The following MAP3K9 variants were observed in gnomAD, a reference collection of about 807,000 sequenced individuals.
MAP3K9 encodes mitogen-activated protein kinase kinase kinase 9, also known as mixed lineage kinase 1 (tyr and ser/thr specificity).
Under a neutral mutation model 95.8 loss-of-function variants are expected in MAP3K9, and 46 were observed. That is an observed-to-expected ratio of 0.48 (90% CI 0.38 to 0.61). The LOEUF is 0.61. MAP3K9 is among the 20% of genes least tolerant of loss of function. The pLI, the probability that MAP3K9 is intolerant of heterozygous loss-of-function variation, is 0.00. For missense variants in MAP3K9, 1,296 were observed against 1,474.3 expected, an observed-to-expected ratio of 0.88 and a Z score of 1.98; for synonymous variants, 533 against 593.8, an observed-to-expected ratio of 0.90 and a Z score of 1.49.
intron 2 of MAP3K9, among the ~76,000 whole-genome samples, chr14:70,797,249 A>G (rs1327946349): frequency 6.6e-6 from 1 of 152,054 alleles, no homozygotes; most frequent in Admixed American, 6.6e-5. Context: ...CCAAAATCCA[A>G]TTCTCTGGAA....
At chr14:70,799,762 A>G (rs2054908396) in intron 2 of MAP3K9, among the ~76,000 whole-genome samples, 1 of 152,240 alleles carries the variant, frequency 6.6e-6, no homozygotes, top group African/African-American at 2.4e-5. Context: ...TGAAGGATGC[A>G]AAGAGAGTGA....
In MAP3K9 at chr14:70,764,117, C is replaced by T. The variant is rs967275235; in HGVS notation, c.821-2935G>A. ...AGGAGAATGGCGTGAACCCGGGAAG[C>T]GGAGCTTGCAGTGAGCCGAGATTGC... On this transcript the variant is annotated intron_variant, in intron 2 of 11. Transcript: ENST00000554752. 1.9e-3 allele frequency among the ~76,000 whole-genome samples: 245 copies of T among 128,162 alleles called. 6 individuals carry two copies. Among genetic ancestry groups the T allele is most frequent in the Non-Finnish European group, 1.0e-3 (64 of 62,986 alleles). 84.1% of individuals were successfully genotyped at this position (128,162 alleles called of 152,430 possible). A position where few individuals can be genotyped will look rare whatever the true frequency, so the allele number is the denominator to read the frequency against.
chr14:70,772,172 C>T (rs76440876), intron 2 of MAP3K9, among the ~76,000 whole-genome samples: 448 of 152,302 alleles, frequency 2.9e-3, no homozygotes, highest in Middle Eastern at 0.01. Context: ...CAGCAGCTTC[C>T]GCATTGTCAG....
chr14:70,765,805 G>T (rs1049051652), intron 2 of MAP3K9, among the ~76,000 whole-genome samples: 6 of 150,670 alleles, frequency 4.0e-5, no homozygotes, highest in Non-Finnish European at 4.4e-5. Context: ...GCCATAGCGG[G>T]ACAAGCTTGG....
At chr14:70,774,987 A>C (rs1365217471) in intron 2 of MAP3K9, among the ~76,000 whole-genome samples, 1 of 10,970 alleles carries the variant, frequency 9.1e-5, no homozygotes, top group Non-Finnish European at 2.0e-4. Flanking sequence ...TGTCCCCAAA[A>C]AAAAAAAAAA....
Position 70,749,919 on chromosome 14 carries a change from C to T in MAP3K9, c.1150+14G>A, listed in dbSNP as rs867293250. On this transcript the variant is annotated intron_variant, in intron 4 of 11. Coordinates refer to ENST00000554752, the MANE Select transcript of MAP3K9 (RefSeq NM_001284230.2). ...AAAGTGTCTCCAGTTTGGTTCAGGC[C>T]AGGGCTTACTTACCTTCCATGAGTT... 1 of 1,614,010 alleles carries T rather than the reference C, an allele frequency of 6.2e-7. No homozygotes were observed. The highest frequency in any genetic ancestry group is 8.5e-7 in the Non-Finnish European group (1 of 1,180,014).
chr14:70,745,432 A>G (rs897767320), intron 5 of MAP3K9, among the ~76,000 whole-genome samples: 4 of 152,150 alleles, frequency 2.6e-5, no homozygotes, highest in African/African-American at 9.7e-5. Flanking sequence ...GAATGTCAAA[A>G]TAGCCATAAA....
At chr14:70,807,474 CGA>C (rs1002115453) in intron 1 of MAP3K9, among the ~76,000 whole-genome samples, 1 of 151,958 alleles carries the variant, frequency 6.6e-6, no homozygotes, top group African/African-American at 2.4e-5. Flanking sequence ...TGGGAGACAA[CGA>C]GACTGTCTCA....
intron 3 of MAP3K9, among the ~76,000 whole-genome samples, chr14:70,751,916 T>C (rs577749511): frequency 3.3e-5 from 5 of 152,174 alleles, no homozygotes; most frequent in Non-Finnish European, 7.4e-5. Context: ...ACAGAGTACA[T>C]CATGGTGGGC....
At chr14:70,745,065 T>C (rs2054127027) in intron 5 of MAP3K9, among the ~76,000 whole-genome samples, 2 of 152,148 alleles carry the variant, frequency 1.3e-5, no homozygotes, top group Admixed American at 1.3e-4. Context: ...AATTTTTAAA[T>C]CTAGATTTTA....
At chr14:70,783,353 A>G in intron 2 of MAP3K9, 2 of 985,236 alleles carry the variant, frequency 2.0e-6, no homozygotes, top group Non-Finnish European at 2.4e-6. Flanking sequence ...TATGATCCAC[A>G]GCAACGCTTC....
rs767161209 is a variant in MAP3K9, at chr14:70,808,949, G to A, written c.223C>T (p.Leu75=). The part of the protein sequence containing the change: ...AAGEDELTLR[L]GDVVEVLSKD... ...GACAGCACCTCCACCACGTCGCCCA[G>A]CCGCAGGGTCAGCTCGTCCTCGCCC... The change falls in exon 1 of 12, where the codon CTG becomes TTG. Residue 75 remains leucine (L), a synonymous_variant. Coordinates refer to ENST00000554752, the MANE Select transcript of MAP3K9 (RefSeq NM_001284230.2). The A allele has an allele frequency of 2.5e-5, 39 of 1,581,120 alleles. No individual in the cohort carries two copies. The African/African-American group carries it at 4.2e-4, about 17-fold the overall frequency.
rs534809267 is a variant in MAP3K9, at chr14:70,737,995, G to C, written c.1844+250C>G. 1.7e-4 allele frequency among the ~76,000 whole-genome samples: 26 copies of C among 152,278 alleles called. No individual in the cohort carries two copies. The South Asian group carries it at 4.1e-3, about 24-fold the overall frequency. Reference sequence around the variant, plus strand: ...TCCAACAGTGGCGCTCAAGAGTTGTGACAGGGCCATAGGAATCACAAGGCC... The same window carrying C: ...TCCAACAGTGGCGCTCAAGAGTTGTCACAGGGCCATAGGAATCACAAGGCC... On this transcript the variant is annotated intron_variant, in intron 8 of 11. Coordinates refer to ENST00000554752, the MANE Select transcript of MAP3K9 (RefSeq NM_001284230.2).
chr14:70,775,138 CAT>C (rs1375608402), intron 2 of MAP3K9, among the ~76,000 whole-genome samples: 4 of 151,088 alleles, frequency 2.6e-5, no homozygotes, highest in East Asian at 2.0e-4. Context: ...CTAGGATAAA[CAT>C]GTGTTTTTGT....
At chr14:70,796,473 G>A (rs912727581) in intron 2 of MAP3K9, among the ~76,000 whole-genome samples, 1 of 152,134 alleles carries the variant, frequency 6.6e-6, no homozygotes, top group African/African-American at 2.4e-5. Context: ...TCCATGGTAA[G>A]ACTGCTAGCT....
In MAP3K9 at chr14:70,750,996, A is replaced by T. The variant is rs111530365; in HGVS notation, c.1002-915T>A. On this transcript the variant is annotated intron_variant, in intron 3 of 11. Transcript: ENST00000554752. ...TTGTTCCTATAAAAGATTTCTTTAA[A>T]TGCCCACTAGGTTGAATAGATTTCT... is the stretch of plus-strand genomic sequence containing the variant. 8.3e-3 allele frequency among the ~76,000 whole-genome samples: 1,262 copies of T among 152,298 alleles called. 16 individuals are homozygous for T. Among genetic ancestry groups the T allele is most frequent in the African/African-American group, 0.028 (1,159 of 41,558 alleles).
At chr14:70,731,908 G>A (rs910350737) in intron 11 of MAP3K9, among the ~76,000 whole-genome samples, 3 of 152,154 alleles carry the variant, frequency 2.0e-5, no homozygotes, top group Admixed American at 6.5e-5. Flanking sequence ...ATGGTGACAG[G>A]AAAGAGATGG....
intron 2 of MAP3K9, among the ~76,000 whole-genome samples, chr14:70,794,683 CT>C (rs1326380384): frequency 1.5e-5 from 2 of 135,590 alleles, no homozygotes; most frequent in South Asian, 2.3e-4. Flanking sequence ...TTTCTTTTTT[CT>C]TTTTTTTTTC....
chr14:70,749,138 T>C (rs2054191350), intron 4 of MAP3K9, 134 bp from the exon 5 acceptor site: 1 of 787,302 alleles, frequency 1.3e-6, no homozygotes, highest in Non-Finnish European at 2.0e-6. Context: ...AGAATTTAGG[T>C]AACCTCAAAT....
Sources: allele counts gnomAD v4.1 joint callset (sites outside exome capture counted in the v4.1 genomes callset), GRCh38; gene constraint gnomAD v4.1.1; transcripts MANE v1.5; gene names NCBI Gene and HGNC (gene_info 2026-07-23, HGNC 2026-07-21).